The following SAV1 variants were observed in gnomAD, a reference collection of about 807,000 sequenced individuals.
SAV1 encodes salvador family WW domain containing protein 1, also known as protein salvador homolog 1.
In SAV1, 23 loss-of-function variants were observed where a neutral mutation model predicts 47.3. The ratio of observed to expected loss-of-function variants is 0.49; its 90% CI spans 0.35 to 0.69. The LOEUF (loss-of-function observed/expected upper bound fraction) is 0.69, where lower values mean the gene tolerates loss of function less well. Among genes scored for constraint, SAV1 ranks in the 30% least tolerant of loss-of-function variants. The probability of loss-of-function intolerance (pLI) is 0.01; values close to 1 mark genes in which losing one functional copy is unlikely to be tolerated. For synonymous variants in SAV1, 155 were observed against 159.2 expected, an observed-to-expected ratio of 0.97 and a Z score of 0.20; for missense variants, 448 against 457.4, an observed-to-expected ratio of 0.98 and a Z score of 0.19.
chr14:50,657,826 C>T (rs574512375), intron 2 of SAV1, among the ~76,000 whole-genome samples: 1 of 152,170 alleles, frequency 6.6e-6, no homozygotes, highest in African/African-American at 2.4e-5. Context: ...GTCGAAGACA[C>T]AGATAAAGTA....
intron 2 of SAV1, among the ~76,000 whole-genome samples, chr14:50,657,705 A>C (rs1044537834): frequency 1.3e-5 from 2 of 152,226 alleles, no homozygotes; most frequent in African/African-American, 4.8e-5. Flanking sequence ...TGAAAGTAAT[A>C]AACTGGATTC....
intron 4 of SAV1, among the ~76,000 whole-genome samples, chr14:50,635,623 G>A (rs1008720024): frequency 6.6e-6 from 1 of 152,078 alleles, no homozygotes; most frequent in Non-Finnish European, 1.5e-5. Context: ...AGGCCAGCCT[G>A]GGCAACATAG....
chr14:50,650,566 T>C (rs1016854056), intron 2 of SAV1, among the ~76,000 whole-genome samples: 3 of 152,184 alleles, frequency 2.0e-5, no homozygotes, highest in African/African-American at 7.2e-5. Flanking sequence ...GATTAGGATA[T>C]AAAAGACCGT....
intron 2 of SAV1, among the ~76,000 whole-genome samples, chr14:50,658,868 C>CA (rs2039834724): frequency 3.3e-5 from 5 of 152,026 alleles, no homozygotes; most frequent in Non-Finnish European, 5.9e-5. Flanking sequence ...CAGATTTTTC[C>CA]CTTGTGGAAG....
chr14:50,650,263 A>C (rs1005458649), intron 2 of SAV1, among the ~76,000 whole-genome samples: 1 of 152,248 alleles, frequency 6.6e-6, no homozygotes, highest in African/African-American at 2.4e-5. Flanking sequence ...AAATCAACCA[A>C]ATGTCCAATA....
Position 50,640,889 on chromosome 14 carries a change from G to A in SAV1, c.811C>T (p.Pro271Ser), listed in dbSNP as rs1167205255. The A allele has an allele frequency of 1.2e-6, 2 of 1,605,354 alleles. No homozygotes were observed. Among genetic ancestry groups the A allele is most frequent in the East Asian group, 2.2e-5 (1 of 44,708 alleles). ...QYRHPCAPSVPRYDQPPPVTY... is the reference protein window; with the variant it reads ...QYRHPCAPSVSRYDQPPPVTY... The stretch of plus-strand genomic sequence containing the variant: ...ACAGGAGGTGGTTGATCATACCGAG[G>A]TACACTAAGAAGAAAGGAGTGACAT... The change falls in exon 4 of 5, where the codon CCT becomes TCT. Residue 271 changes from proline to serine, a missense_variant. Coordinates refer to ENST00000324679, the MANE Select transcript of SAV1 (RefSeq NM_021818.4).
rs188961775 is a variant in SAV1 at position 50,666,264 on chromosome 14, T to C, written c.95-645A>G. 2.1e-4 allele frequency among the ~76,000 whole-genome samples: 32 copies of C among 152,326 alleles called. No homozygotes were observed. The East Asian group carries it at 6.0e-3, about 28-fold the overall frequency. On this transcript the variant is annotated intron_variant, in intron 1 of 4. Transcript: ENST00000324679. ...TCAAAGAAGCACACAAATGTAGAAG[T>C]GGCTCAAAAAACCAAGCCTGAAACT...
chr14:50,666,741 C>A, intron 1 of SAV1, among the ~76,000 whole-genome samples: 1 of 151,138 alleles, frequency 6.6e-6, no homozygotes, highest in Non-Finnish European at 1.5e-5. Flanking sequence ...TTAAAAACAG[C>A]CAGAAACCTA....
intron 3 of SAV1, among the ~76,000 whole-genome samples, chr14:50,641,906 T>C (rs1352250215): frequency 6.6e-6 from 1 of 152,150 alleles, no homozygotes; most frequent in East Asian, 1.9e-4. Flanking sequence ...GAAACACGTG[T>C]GCACATGTTA....
At chr14:50,663,056 T>C (rs1480735430) in intron 2 of SAV1, 2 of 152,238 alleles carry the variant, frequency 1.3e-5, no homozygotes, top group East Asian at 1.9e-4. Context: ...TTCTGAAGTA[T>C]AGGTCAAGTC....
intron 2 of SAV1, among the ~76,000 whole-genome samples, chr14:50,651,768 G>C (rs1595644334): frequency 6.6e-6 from 1 of 151,892 alleles, no homozygotes; most frequent in African/African-American, 2.4e-5. Context: ...GTGTGACTAT[G>C]GGCATGCACC....
chr14:50,638,242 CCTT>C (rs1363229972), intron 4 of SAV1, among the ~76,000 whole-genome samples: 2 of 152,166 alleles, frequency 1.3e-5, no homozygotes, highest in East Asian at 1.9e-4. Flanking sequence ...CCCATTCTTT[CCTT>C]CTTAACTAGC....
chr14:50,640,793 C>G lies in SAV1; in HGVS notation c.907G>C (p.Glu303Gln), dbSNP rs762483722. The change falls in exon 4 of 5, where the codon GAA becomes CAA. Residue 303 changes from glutamate to glutamine, a missense_variant. Glu to Gln is a conservative substitution (Grantham distance 29). Coordinates refer to ENST00000324679, the MANE Select transcript of SAV1 (RefSeq NM_021818.4). ...LVPANPYHTAEIPDWLQVYAR... is the reference protein window; with the variant it reads ...LVPANPYHTAQIPDWLQVYAR... Reference sequence around the variant, plus strand: ...TAAACCTGAAGCCAGTCAGGAATTTCTGCAGTATGATATGGATTTGCAGGT... The same window carrying G: ...TAAACCTGAAGCCAGTCAGGAATTTGTGCAGTATGATATGGATTTGCAGGT... The G allele has an allele frequency of 6.2e-7, 1 of 1,613,662 alleles. No individual in the cohort carries two copies. The highest frequency in any genetic ancestry group is 8.5e-7 in the Non-Finnish European group (1 of 1,179,860).
intron 2 of SAV1, among the ~76,000 whole-genome samples, chr14:50,645,949 A>G (rs890819686): frequency 6.6e-6 from 1 of 152,196 alleles, no homozygotes; most frequent in African/African-American, 2.4e-5. Flanking sequence ...CAGGACCAAT[A>G]TGCTAAAAAC....
chr14:50,667,835 G>C lies in SAV1; in HGVS notation c.94+39C>G. Reference sequence around the variant, plus strand: ...GCCAGGGTCCCCGGAGCACCTGGCCGCCTGGGCCAGGTGTGGGCACGCCCC... The same window carrying C: ...GCCAGGGTCCCCGGAGCACCTGGCCCCCTGGGCCAGGTGTGGGCACGCCCC... On this transcript the variant is annotated intron_variant, in intron 1 of 4. Coordinates refer to ENST00000324679, the MANE Select transcript of SAV1 (RefSeq NM_021818.4). The C allele has an allele frequency of 1.9e-6, 3 of 1,564,714 alleles. No individual in the cohort carries two copies. The South Asian group carries it at 3.4e-5, about 18-fold the overall frequency.
chr14:50,640,868 G>A lies in SAV1; in HGVS notation c.832C>T (p.Pro278Ser), dbSNP rs948958529. The change falls in exon 4 of 5, where the codon CCT becomes TCT. Residue 278 changes from proline to serine, a missense_variant. Coordinates refer to ENST00000324679, the MANE Select transcript of SAV1 (RefSeq NM_021818.4). ...PSVPRYDQPP[P>S]VTYQPQQTER... Reference sequence around the variant, plus strand: ...GTTTGCTGTGGCTGGTATGTGACAGGAGGTGGTTGATCATACCGAGGTACA... The same window carrying A: ...GTTTGCTGTGGCTGGTATGTGACAGAAGGTGGTTGATCATACCGAGGTACA... 6.2e-7 allele frequency: 1 copy of A among 1,613,332 alleles called. No individual in the cohort carries two copies. Among genetic ancestry groups the A allele is most frequent in the East Asian group, 2.2e-5 (1 of 44,856 alleles).
rs1211214578 is a variant in SAV1 at position 50,634,762 on chromosome 14, C to T, written c.*421G>A. The T allele has an allele frequency of 6.1e-6, 1 of 164,076 alleles. No individual in the cohort carries two copies. The highest frequency in any genetic ancestry group is 2.4e-5 in the African/African-American group (1 of 41,446). The allele number at this position is 164,076 out of a possible 1,614,324, so 10.2% of individuals were successfully genotyped here. A position where few individuals can be genotyped will look rare whatever the true frequency, so the allele number is the denominator to read the frequency against. On this transcript the variant is annotated 3_prime_UTR_variant, in exon 5 of 5. Coordinates refer to ENST00000324679, the MANE Select transcript of SAV1 (RefSeq NM_021818.4). ...CAACTACATCATGGTAATATTTAAACCATCCCTTTCCAGACAATATTTCAC... is the reference window on the plus strand; with the variant it reads ...CAACTACATCATGGTAATATTTAAATCATCCCTTTCCAGACAATATTTCAC...
chr14:50,648,455 T>G (rs1298289002), intron 2 of SAV1, among the ~76,000 whole-genome samples: 1 of 152,230 alleles, frequency 6.6e-6, no homozygotes, highest in African/African-American at 2.4e-5. Context: ...AAAAGAATAA[T>G]CTGGCTGCAT....
At chr14:50,658,194 C>T (rs1024737698) in intron 2 of SAV1, among the ~76,000 whole-genome samples, 1 of 152,216 alleles carries the variant, frequency 6.6e-6, no homozygotes, top group Non-Finnish European at 1.5e-5. Context: ...AATATTTACA[C>T]ATTACCCGAG....
Sources: gnomAD v4.1 joint callset for allele counts (sites outside exome capture counted in the v4.1 genomes callset) on GRCh38, gnomAD v4.1.1 for gene constraint, MANE v1.5 for transcripts, NCBI Gene and HGNC (gene_info 2026-07-23, HGNC 2026-07-21) for gene names.